The following RAB6A variants were observed in gnomAD, a reference collection of about 807,000 sequenced individuals.
RAB6A encodes the protein RAB6A, member RAS oncogene family, also known as ras-related protein Rab-6A.
Under a neutral mutation model 32.3 loss-of-function variants are expected in RAB6A, and 8 were observed. That is an observed-to-expected ratio of 0.25 (90% CI 0.15 to 0.45). RAB6A has a LOEUF of 0.45. Among genes scored for constraint, RAB6A ranks in the 20% least tolerant of loss-of-function variants. The pLI, the probability that RAB6A is intolerant of heterozygous loss-of-function variation, is 1.00. For missense variants in RAB6A, 104 were observed against 249.4 expected (o/e 0.42, Z 3.93); for synonymous variants, 73 against 82.1 (o/e 0.89, Z 0.60).
chr11:73,693,850 C>T (rs1252225921), intron 6 of RAB6A, among the ~76,000 whole-genome samples: 1 of 151,018 alleles, frequency 6.6e-6, no homozygotes, highest in Non-Finnish European at 1.5e-5. Flanking sequence ...TGCACTCCAG[C>T]TTGAGACTGT....
intron 1 of RAB6A, among the ~76,000 whole-genome samples, chr11:73,740,080 A>G (rs562825297): frequency 9.9e-5 from 15 of 152,074 alleles, no homozygotes; most frequent in South Asian, 2.1e-4. Flanking sequence ...AAAAAAAAAA[A>G]AGAGAGGACT....
chr11:73,749,627 C>A (rs1469368824), intron 1 of RAB6A, among the ~76,000 whole-genome samples: 1 of 152,162 alleles, frequency 6.6e-6, no homozygotes, highest in African/African-American at 2.4e-5. Flanking sequence ...GAGGATCACT[C>A]GAGGCCAGAG....
Position 73,677,748 on chromosome 11 carries a change from T to A in RAB6A, c.*150A>T, listed in dbSNP as rs749941562. ...TTGTTGTGCTTGTGAAGCTAATAGA[T>A]CATCTCCACGAGACAGGCAGCAATG... On this transcript the variant is annotated 3_prime_UTR_variant, in exon 8 of 8. Coordinates refer to ENST00000336083, the MANE Select transcript of RAB6A (RefSeq NM_198896.2). 1.0e-5 allele frequency: 15 copies of A among 1,498,996 alleles called. No individual in the cohort carries two copies. The highest frequency in any genetic ancestry group is 1.4e-5 in the Non-Finnish European group (15 of 1,110,080). The allele number at this position is 1,498,996 out of a possible 1,614,324, so 92.9% of individuals were successfully genotyped here. A position where few individuals can be genotyped will look rare whatever the true frequency, so the allele number is the denominator to read the frequency against.
intron 1 of RAB6A, among the ~76,000 whole-genome samples, chr11:73,754,937 T>TTATTA (rs1565382487): frequency 1.1e-4 from 16 of 152,052 alleles, no homozygotes; most frequent in African/African-American, 3.6e-4. Flanking sequence ...TATTATTATT[T>TTATTA]TTTTGAGATG....
In RAB6A at chr11:73,716,355, G is replaced by T; in HGVS notation, c.297C>A (p.Asn99Lys). 1 of 1,608,854 alleles carries T rather than the reference G, an allele frequency of 6.2e-7. No homozygotes were observed. The highest frequency in any genetic ancestry group is 8.5e-7 in the Non-Finnish European group (1 of 1,175,388). ...AVVVYDITNV[N>K]SFQQTTKWID... ...TCCACTTTGTAGTTTGCTGGAATGA[G>T]TTAACATCTAGTATAGGAGGGTAGA... Residue 99 changes from asparagine to lysine, a missense_variant, in exon 5 of 8, where the codon AAC (asparagine) becomes AAA (lysine). This residue lies in a region of RAB6A where 48 missense variants were observed against 155.2 expected (regional missense o/e 0.31). Transcript: ENST00000336083.
chr11:73,755,615 A>G (rs1441409815), intron 1 of RAB6A, among the ~76,000 whole-genome samples: 2 of 152,128 alleles, frequency 1.3e-5, no homozygotes, highest in African/African-American at 4.8e-5. Context: ...TAAACTACAT[A>G]AACAAAAGTC....
At chr11:73,739,261 AT>A (rs1482879965) in intron 1 of RAB6A, among the ~76,000 whole-genome samples, 1 of 42,792 alleles carries the variant, frequency 2.3e-5, no homozygotes, top group Non-Finnish European at 4.3e-5. Context: ...AGTAATAATA[AT>A]TAAAAAAAAA....
intron 2 of RAB6A, 138 bp downstream of exon 2, chr11:73,730,625 CAT>C: frequency 1.5e-6 from 1 of 650,776 alleles, no homozygotes. Context: ...ATCATTTACA[CAT>C]TGTATTTATA....
chr11:73,745,488 T>C (rs575766414), intron 1 of RAB6A, among the ~76,000 whole-genome samples: 4 of 152,304 alleles, frequency 2.6e-5, no homozygotes, highest in African/African-American at 9.6e-5. Flanking sequence ...CTAACGCCTA[T>C]AATCCCAGTA....
rs56359106 is a variant in RAB6A, at chr11:73,714,207, A to ATATATATAT, written c.401+2043_401+2044insATATATATA. ...AACTCCATCTCAAAAAAAAAAAAAAAAAATATATATATATATATATATACA... is the reference window on the plus strand; with the variant it reads ...AACTCCATCTCAAAAAAAAAAAAAAATATATATATAAATATATATATATATATATATACA... On this transcript the variant is annotated intron_variant, in intron 5 of 7. Coordinates refer to ENST00000336083, the MANE Select transcript of RAB6A (RefSeq NM_198896.2). 6.4e-3 allele frequency among the ~76,000 whole-genome samples: 453 copies of ATATATATAT among 71,156 alleles called. 1 individual carries two copies. Among genetic ancestry groups the ATATATATAT allele is most frequent in the Admixed American group, 0.015 (90 of 5,976 alleles). The allele number at this position is 71,156 out of a possible 152,430, so 46.7% of individuals were successfully genotyped here. A position where few individuals can be genotyped will look rare whatever the true frequency, so the allele number is the denominator to read the frequency against.
intron 6 of RAB6A, among the ~76,000 whole-genome samples, chr11:73,696,866 G>A (rs1034867018): frequency 1.1e-4 from 17 of 151,844 alleles, no homozygotes; most frequent in African/African-American, 3.9e-4. Context: ...GGCCTCCCAA[G>A]GTGCTGGGAT....
intron 1 of RAB6A, among the ~76,000 whole-genome samples, chr11:73,738,761 A>G (rs1156809291): frequency 6.6e-6 from 1 of 152,050 alleles, no homozygotes; most frequent in Non-Finnish European, 1.5e-5. Context: ...CCTGGGCAAC[A>G]TGGCAAAACC....
Position 73,712,348 on chromosome 11 carries a change from C to T in RAB6A, c.401+3903G>A, listed in dbSNP as rs1203177735. Among the ~76,000 whole-genome samples, 3 of 149,826 alleles carry T rather than the reference C, an allele frequency of 2.0e-5. No individual in the cohort carries two copies. The East Asian group carries it at 5.8e-4, about 29-fold the overall frequency. On this transcript the variant is annotated intron_variant, in intron 5 of 7. Coordinates refer to ENST00000336083, the MANE Select transcript of RAB6A (RefSeq NM_198896.2). ...TTTCCATATGAAACTGGGTCTGTTC[C>T]TAGCTTTTCCTTTTTTTTTTTTGAG...
chr11:73,733,567 A>G (rs1386025297), intron 1 of RAB6A, among the ~76,000 whole-genome samples: 1 of 139,754 alleles, frequency 7.2e-6, no homozygotes, highest in Non-Finnish European at 1.6e-5. Flanking sequence ...AAAAAAATAA[A>G]TAAATAAAAA....
At chr11:73,740,088 A>C (rs957755122) in intron 1 of RAB6A, among the ~76,000 whole-genome samples, 15 of 151,754 alleles carry the variant, frequency 9.9e-5, no homozygotes, top group African/African-American at 3.4e-4. Context: ...AAAAGAGAGG[A>C]CTCAATTAGT....
chr11:73,696,380 T>C (rs1849833495), intron 6 of RAB6A, among the ~76,000 whole-genome samples: 1 of 151,990 alleles, frequency 6.6e-6, no homozygotes, highest in Non-Finnish European at 1.5e-5. Flanking sequence ...GTATTTTCAG[T>C]AGAGACTTTG....
intron 6 of RAB6A, among the ~76,000 whole-genome samples, chr11:73,692,419 C>T (rs1945582357): frequency 7.1e-6 from 1 of 140,734 alleles, no homozygotes; most frequent in Admixed American, 7.7e-5. Context: ...AGGAGAATGG[C>T]GTGAACCCGG....
intron 1 of RAB6A, among the ~76,000 whole-genome samples, chr11:73,752,123 T>C (rs531570795): frequency 2.0e-5 from 3 of 152,130 alleles, no homozygotes; most frequent in Non-Finnish European, 4.4e-5. Context: ...CTTATTAACA[T>C]CTTCAAAATG....
intron 1 of RAB6A, among the ~76,000 whole-genome samples, chr11:73,747,504 C>A (rs911103759): frequency 9.2e-5 from 14 of 151,748 alleles, no homozygotes; most frequent in African/African-American, 3.4e-4. Context: ...CATGCCCGGC[C>A]AGCCTCTAAG....
Sources: gnomAD v4.1 joint callset for allele counts (sites outside exome capture counted in the v4.1 genomes callset) on GRCh38, gnomAD v4.1.1 for gene constraint, gnomAD v4.1.1 regional missense constraint, MANE v1.5 for transcripts, NCBI Gene and HGNC (gene_info 2026-07-23, HGNC 2026-07-21) for gene names.